Variants in SPAG16 observed in about 807,000 individuals in gnomAD.
SPAG16 encodes the protein sperm-associated antigen 16 protein.
Under a neutral mutation model 80.4 loss-of-function variants are expected in SPAG16, and 86 were observed. The observed-to-expected ratio is 1.07, with a 90% CI of 0.90 to 1.28. SPAG16 has a LOEUF of 1.28. Among genes scored for constraint, SPAG16 ranks in the 50% most tolerant of loss-of-function variants. The probability of loss-of-function intolerance (pLI) is 0.00; values close to 1 mark genes in which losing one functional copy is unlikely to be tolerated. For missense variants in SPAG16, 870 were observed against 765.3 expected (o/e 1.14, Z -1.61); for synonymous variants, 294 against 265.9 (o/e 1.11, Z -1.03).
At chr2:214,174,766 G>A (rs2057011076) in intron 15 of SPAG16, among the ~76,000 whole-genome samples, 1 of 151,592 alleles carries the variant, frequency 6.6e-6, no homozygotes, top group Non-Finnish European at 1.5e-5. Flanking sequence ...GGTCACTCTG[G>A]GCATAAACAT....
intron 11 of SPAG16, among the ~76,000 whole-genome samples, chr2:213,886,535 G>A (rs1432386329): frequency 3.3e-5 from 5 of 152,034 alleles, no homozygotes; most frequent in Non-Finnish European, 7.4e-5. Flanking sequence ...AGTAGCAGCA[G>A]CAGCAGCAAA....
intron 10 of SPAG16, among the ~76,000 whole-genome samples, chr2:213,625,649 T>G (rs543887969): frequency 9.9e-5 from 15 of 152,216 alleles, no homozygotes; most frequent in African/African-American, 3.4e-4. Context: ...TAAAAGTCTT[T>G]TTGTTGTTGT....
intron 1 of SPAG16, among the ~76,000 whole-genome samples, chr2:213,288,988 G>A (rs2062163682): frequency 6.6e-6 from 1 of 152,132 alleles, no homozygotes; most frequent in South Asian, 2.1e-4. Flanking sequence ...ATATTTACTT[G>A]TGTAAAAGTC....
intron 14 of SPAG16, among the ~76,000 whole-genome samples, chr2:214,139,112 A>G (rs1364814695): frequency 6.6e-6 from 1 of 152,118 alleles, no homozygotes; most frequent in Non-Finnish European, 1.5e-5. Context: ...TTCAAGAGCA[A>G]TATTTGTATT....
intron 12 of SPAG16, among the ~76,000 whole-genome samples, chr2:213,986,674 A>G (rs1412934739): frequency 6.6e-6 from 1 of 151,924 alleles, no homozygotes; most frequent in Non-Finnish European, 1.5e-5. Flanking sequence ...CTTTACCTCC[A>G]AACAGCTATT....
At chr2:213,771,222 T>G (rs1260710754) in intron 10 of SPAG16, among the ~76,000 whole-genome samples, 2 of 151,986 alleles carry the variant, frequency 1.3e-5, no homozygotes, top group Non-Finnish European at 2.9e-5. Flanking sequence ...TGATGCTGAG[T>G]TTTTTTTCGT....
At chr2:213,876,125 A>G (rs1300930678) in intron 11 of SPAG16, among the ~76,000 whole-genome samples, 2 of 152,142 alleles carry the variant, frequency 1.3e-5, no homozygotes, top group Admixed American at 1.3e-4. Context: ...ACATTGCGTG[A>G]AAGTTTCCAA....
At chr2:213,865,331 A>G (rs1291779911) in intron 11 of SPAG16, among the ~76,000 whole-genome samples, 1 of 151,962 alleles carries the variant, frequency 6.6e-6, no homozygotes, top group South Asian at 2.1e-4. Context: ...ATAACCATGA[A>G]TGAGATTAAT....
rs201266448 is a variant in SPAG16, at chr2:213,580,909, GT to G, written c.1070+90826del. Among the ~76,000 whole-genome samples, 239 of 151,948 alleles carry G rather than the reference GT, an allele frequency of 1.6e-3. 3 individuals are homozygous for G. The highest frequency in any genetic ancestry group is 4.7e-3 in the African/African-American group (194 of 41,476). Reference sequence around the variant, plus strand: ...CTATCATTGTTTTGTGTGTGTGTGTGTTTTTTTACTATTTAGAAATTAGACT... The same window carrying G: ...CTATCATTGTTTTGTGTGTGTGTGTGTTTTTTACTATTTAGAAATTAGACT... On this transcript the variant is annotated intron_variant, in intron 10 of 15. Coordinates refer to ENST00000331683, the MANE Select transcript of SPAG16 (RefSeq NM_024532.5).
intron 15 of SPAG16, among the ~76,000 whole-genome samples, chr2:214,250,630 T>C (rs1195984965): frequency 6.8e-6 from 1 of 146,436 alleles, no homozygotes; most frequent in African/African-American, 2.5e-5. Context: ...TAGAAAAATA[T>C]ATAAATATTT....
At chr2:213,581,161 AT>A (rs1353746145) in intron 10 of SPAG16, among the ~76,000 whole-genome samples, 2 of 152,094 alleles carry the variant, frequency 1.3e-5, no homozygotes, top group Non-Finnish European at 2.9e-5. Context: ...GATCATAACT[AT>A]TAATAATATC....
chr2:213,364,669 CAGAGA>C (rs2125128166), intron 8 of SPAG16: 1 of 151,704 alleles, frequency 6.6e-6, no homozygotes, highest in Non-Finnish European at 1.5e-5. Flanking sequence ...GGAAAGACAC[CAGAGA>C]AGAGAGCTGC....
intron 13 of SPAG16, among the ~76,000 whole-genome samples, chr2:214,050,093 A>G (rs2049558462): frequency 6.6e-6 from 1 of 152,122 alleles, no homozygotes. Flanking sequence ...GGTCATATTA[A>G]GAATACCCAT....
chr2:213,681,731 C>G (rs1171586915), intron 10 of SPAG16, among the ~76,000 whole-genome samples: 1 of 152,134 alleles, frequency 6.6e-6, no homozygotes, highest in South Asian at 2.1e-4. Context: ...ATATGCATAG[C>G]AAAATACCCC....
Position 213,560,595 on chromosome 2 carries a change from A to G in SPAG16, c.1070+70505A>G, listed in dbSNP as rs559467900. ...TCAGATCCCTTTCTTACATATAGCT[A>G]TTTTTGACAATCTCTGTTTTTAGTT... On this transcript the variant is annotated intron_variant, in intron 10 of 15. Coordinates refer to ENST00000331683, the MANE Select transcript of SPAG16 (RefSeq NM_024532.5). 1.8e-4 allele frequency among the ~76,000 whole-genome samples: 27 copies of G among 152,186 alleles called. No individual in the cohort carries two copies. In the South Asian group the frequency reaches 5.2e-3, roughly 29 times the overall value.
chr2:214,116,230 G>T (rs2053927874), intron 14 of SPAG16, among the ~76,000 whole-genome samples: 1 of 152,214 alleles, frequency 6.6e-6, no homozygotes, highest in Non-Finnish European at 1.5e-5. Context: ...AATGACAGTG[G>T]TCTTCACACT....
intron 15 of SPAG16, among the ~76,000 whole-genome samples, chr2:214,222,110 CTTTTT>C (rs10694178): frequency 7.7e-5 from 8 of 103,628 alleles, no homozygotes; most frequent in South Asian, 3.6e-4. Flanking sequence ...CCTTGCTATT[CTTTTT>C]TTTTTTTTTT....
intron 5 of SPAG16, among the ~76,000 whole-genome samples, chr2:213,337,214 A>G (rs1451792910): frequency 6.6e-6 from 1 of 152,196 alleles, no homozygotes; most frequent in Non-Finnish European, 1.5e-5. Context: ...AACCCATCCA[A>G]AGGTCAGCAA....
chr2:213,909,954 A>G (rs2077591500), intron 11 of SPAG16, among the ~76,000 whole-genome samples: 1 of 152,196 alleles, frequency 6.6e-6, no homozygotes, highest in Non-Finnish European at 1.5e-5. Flanking sequence ...GGTATCTCAA[A>G]TATGCCTTAA....
Sources: allele counts gnomAD v4.1 joint callset (sites outside exome capture counted in the v4.1 genomes callset), GRCh38; gene constraint gnomAD v4.1.1; transcripts MANE v1.5; gene names NCBI Gene and HGNC (gene_info 2026-07-23, HGNC 2026-07-21).